SEMA3E: variants seen among roughly 807,000 people sequenced by gnomAD.
SEMA3E encodes the protein semaphorin-3E.
SEMA3E carries 49 observed loss-of-function variants against 93.6 expected under a neutral mutation model. The observed-to-expected ratio is 0.52, with a 90% CI of 0.42 to 0.66. The LOEUF is 0.66. Ranked by LOEUF, SEMA3E falls within the 30% of genes least tolerant of loss-of-function variation. SEMA3E has a pLI of 0.00. For synonymous variants in SEMA3E, 363 were observed against 330.7 expected (o/e 1.10, Z -1.06); for missense variants, 906 against 964.8 (o/e 0.94, Z 0.81).
intron 4 of SEMA3E, among the ~76,000 whole-genome samples, chr7:83,423,335 G>A (rs73391470): frequency 0.029 from 4,343 of 152,122 alleles, 228 homozygotes; most frequent in African/African-American, 0.099. Flanking sequence ...TCAAAACTCA[G>A]ATGTACCTTG....
intron 14 of SEMA3E, among the ~76,000 whole-genome samples, chr7:83,389,984 C>T (rs960515923): frequency 3.3e-5 from 3 of 90,250 alleles, no homozygotes; most frequent in Non-Finnish European, 7.1e-5. Context: ...CATATATACG[C>T]GTATATGTGT....
chr7:83,406,104 G>T, intron 7 of SEMA3E, 45 bp from the exon 8 acceptor site: 2 of 1,312,810 alleles, frequency 1.5e-6, no homozygotes, highest in South Asian at 2.4e-5. Context: ...AAAGAATTTC[G>T]ACCAACCACA....
rs566374056 is a variant in SEMA3E, at chr7:83,557,829, A to C, written c.116-67555T>G. On this transcript the variant is annotated intron_variant, in intron 1 of 16. Coordinates refer to ENST00000643230, the MANE Select transcript of SEMA3E (RefSeq NM_012431.3). ...AATTGCTCTAAGAATTATACTTGGA[A>C]GAAGGTAGGAAGCAAACTTCAGTTT... 3.9e-3 allele frequency among the ~76,000 whole-genome samples: 591 copies of C among 152,282 alleles called. 4 individuals are homozygous for C. Among genetic ancestry groups the C allele is most frequent in the African/African-American group, 0.013 (542 of 41,584 alleles).
At chr7:83,529,667 G>T (rs906525628) in intron 1 of SEMA3E, among the ~76,000 whole-genome samples, 1 of 152,138 alleles carries the variant, frequency 6.6e-6, no homozygotes, top group Non-Finnish European at 1.5e-5. Context: ...AAAAAGCTGA[G>T]CAGAGTGATA....
At chr7:83,402,800 T>G in intron 9 of SEMA3E, 24 bp from the exon 10 acceptor site, 1 of 1,603,650 alleles carries the variant, frequency 6.2e-7, no homozygotes, top group Non-Finnish European at 8.5e-7. Flanking sequence ...AAAAGATAAT[T>G]ATTCTTCTGG....
In SEMA3E at chr7:83,648,431, T is replaced by G. The variant is rs763457095; in HGVS notation, c.112A>C (p.Lys38Gln). Residue 38 changes from lysine (K) to glutamine (Q), a missense_variant, in exon 1 of 17, where the codon AAA (lysine) becomes CAA (glutamine). Transcript: ENST00000643230. ...TTHPRLRLSH[K>Q]ELLNLNRTSI... ...AGGATCTGGAAAGGTAACCTACCTTTATGTGACAGGCGTAACCGGGGGTGG... is the reference window on the plus strand; with the variant it reads ...AGGATCTGGAAAGGTAACCTACCTTGATGTGACAGGCGTAACCGGGGGTGG... The G allele has an allele frequency of 1.9e-6, 3 of 1,601,460 alleles. No homozygotes were observed. In the African/African-American group the frequency reaches 4.0e-5, roughly 22 times the overall value.
At position 83,617,977 on chromosome 7, in the gene SEMA3E, T is replaced by C. The variant is rs966051183; in HGVS notation, c.115+30451A>G. Among the ~76,000 whole-genome samples, 6 of 152,036 alleles carry C rather than the reference T, an allele frequency of 3.9e-5. No individual in the cohort carries two copies. The East Asian group carries it at 9.6e-4, about 24-fold the overall frequency. On this transcript the variant is annotated intron_variant, in intron 1 of 16. Coordinates refer to ENST00000643230, the MANE Select transcript of SEMA3E (RefSeq NM_012431.3). ...CTGCTATAAATAGAAAAGAACACTA[T>C]AGTCCATAAGGAAGATAACAAATAA...
intron 1 of SEMA3E, among the ~76,000 whole-genome samples, chr7:83,534,796 T>C (rs71557176): frequency 0.13 from 19,821 of 152,202 alleles, 1,791 homozygotes; most frequent in African/African-American, 0.24. Context: ...AGCTCTTTAT[T>C]ATTTGTCTTT....
chr7:83,501,612 C>T (rs528449517), intron 1 of SEMA3E, among the ~76,000 whole-genome samples: 1 of 152,110 alleles, frequency 6.6e-6, no homozygotes, highest in Non-Finnish European at 1.5e-5. Context: ...GCCACCACAC[C>T]CAGCTAATTT....
Position 83,405,340 on chromosome 7 carries a change from A to C in SEMA3E, c.998+110T>G, listed in dbSNP as rs1788306054. The C allele has an allele frequency of 1.7e-5, 13 of 771,946 alleles. No individual in the cohort carries two copies. In the South Asian group the frequency reaches 2.0e-4, roughly 12 times the overall value. 47.8% of individuals were successfully genotyped at this position (771,946 alleles called of 1,614,324 possible). Reference sequence around the variant, plus strand: ...TGGTGATTATAAAGTGTAGAAAATGAGAAGAGCAACTGGGTCAATAGTCTT... The same window carrying C: ...TGGTGATTATAAAGTGTAGAAAATGCGAAGAGCAACTGGGTCAATAGTCTT... On this transcript the variant is annotated intron_variant, in intron 9 of 16. Coordinates refer to ENST00000643230, the MANE Select transcript of SEMA3E (RefSeq NM_012431.3).
chr7:83,500,535 A>G (rs1025964216), intron 1 of SEMA3E, among the ~76,000 whole-genome samples: 2 of 151,428 alleles, frequency 1.3e-5, no homozygotes, highest in East Asian at 1.9e-4. Context: ...CAGTAGTACA[A>G]TAGCCCATAT....
chr7:83,435,023 C>T (rs910665161), intron 4 of SEMA3E, among the ~76,000 whole-genome samples: 1 of 152,046 alleles, frequency 6.6e-6, no homozygotes, highest in African/African-American at 2.4e-5. Flanking sequence ...AACTGTATTT[C>T]TTATGGATGT....
intron 2 of SEMA3E, among the ~76,000 whole-genome samples, chr7:83,488,946 T>C (rs1285806004): frequency 6.6e-6 from 1 of 151,890 alleles, no homozygotes; most frequent in Non-Finnish European, 1.5e-5. Flanking sequence ...TAATGTTTAA[T>C]TTCAAGAGGA....
At chr7:83,497,330 GTTTC>G (rs1356410064) in intron 1 of SEMA3E, among the ~76,000 whole-genome samples, 6 of 152,108 alleles carry the variant, frequency 3.9e-5, no homozygotes, top group Admixed American at 6.6e-5. Context: ...GGGGAGAGGT[GTTTC>G]TTTCTTGAAT....
At chr7:83,392,483 TAAAAAAAA>T in intron 14 of SEMA3E, 64 bp downstream of exon 14, 5 of 1,464,674 alleles carry the variant, frequency 3.4e-6, no homozygotes, top group African/African-American at 1.5e-5. Flanking sequence ...AACTTCAAGT[TAAAAAAAA>T]AAAAAAAAAA....
chr7:83,475,804 T>C (rs529582830), intron 2 of SEMA3E, among the ~76,000 whole-genome samples: 14 of 152,188 alleles, frequency 9.2e-5, no homozygotes, highest in Non-Finnish European at 1.5e-4. Context: ...TATTATGTGA[T>C]GGTGAAGACA....
chr7:83,423,504 A>AT (rs71074656), intron 4 of SEMA3E, among the ~76,000 whole-genome samples: 74,995 of 138,900 alleles, frequency 0.54, 21,367 homozygotes, highest in East Asian at 0.77. Flanking sequence ...ACTATGAAGA[A>AT]TTTTTTTTTT....
intron 1 of SEMA3E, among the ~76,000 whole-genome samples, chr7:83,497,020 A>T (rs1392764706): frequency 1.3e-5 from 2 of 152,146 alleles, no homozygotes; most frequent in Non-Finnish European, 2.9e-5. Flanking sequence ...GATGAAACTG[A>T]AATGCACCAA....
At chr7:83,617,723 C>T (rs1410366264) in intron 1 of SEMA3E, among the ~76,000 whole-genome samples, 1 of 149,902 alleles carries the variant, frequency 6.7e-6, no homozygotes, top group Non-Finnish European at 1.5e-5. Context: ...GTTTGATGGG[C>T]TTTTTCAAGG....
Sources: allele counts gnomAD v4.1 joint callset (sites outside exome capture counted in the v4.1 genomes callset), GRCh38; gene constraint gnomAD v4.1.1; transcripts MANE v1.5; gene names NCBI Gene and HGNC (gene_info 2026-07-23, HGNC 2026-07-21).